TRABD2A: variants seen among roughly 807,000 people sequenced by gnomAD.
The protein encoded by TRABD2A is TraB domain containing 2A.
Under a neutral mutation model 45.6 loss-of-function variants are expected in TRABD2A, and 43 were observed. That is an observed-to-expected ratio of 0.94 (90% confidence interval 0.74 to 1.22). The LOEUF is 1.22. TRABD2A is among the 50% of genes most tolerant of loss of function. The probability of loss-of-function intolerance (pLI) is 0.00; values close to 1 mark genes in which losing one functional copy is unlikely to be tolerated. For synonymous variants in TRABD2A, 269 were observed against 265.0 expected (o/e 1.02, Z -0.15); for missense variants, 642 against 652.4 (o/e 0.98, Z 0.17).
At chr2:84,873,908 A>G (rs1682948138) in intron 1 of TRABD2A, among the ~76,000 whole-genome samples, 1 of 152,208 alleles carries the variant, frequency 6.6e-6, no homozygotes, top group Non-Finnish European at 1.5e-5. Context: ...CAACTGGGAG[A>G]CACAGCAAAC....
chr2:84,861,180 A>G (rs1682484766), intron 2 of TRABD2A, among the ~76,000 whole-genome samples: 1 of 152,154 alleles, frequency 6.6e-6, no homozygotes. Context: ...CAATTTTTCC[A>G]CAGAGCAGGT....
intron 2 of TRABD2A, among the ~76,000 whole-genome samples, chr2:84,868,503 A>T (rs1321234839): frequency 7.0e-6 from 1 of 142,532 alleles, no homozygotes; most frequent in African/African-American, 3.0e-5. Flanking sequence ...GCTATTAACT[A>T]ATTAACTAAT....
chr2:84,836,391 A>G (rs1399128128), intron 4 of TRABD2A: 2 of 152,178 alleles, frequency 1.3e-5, no homozygotes, highest in South Asian at 2.1e-4. Context: ...TCTGGCTTGC[A>G]TGGCTTCTGA....
At chr2:84,845,375 T>A (rs1206814123) in intron 2 of TRABD2A, among the ~76,000 whole-genome samples, 1 of 152,130 alleles carries the variant, frequency 6.6e-6, no homozygotes, top group Non-Finnish European at 1.5e-5. Flanking sequence ...ATAAAATGAC[T>A]ACTGGAGAGT....
At chr2:84,847,066 GGTCA>G (rs1302359661) in intron 2 of TRABD2A, among the ~76,000 whole-genome samples, 1 of 152,198 alleles carries the variant, frequency 6.6e-6, no homozygotes. Flanking sequence ...GTGAACCTTT[GGTCA>G]GGCCATGGGT....
chr2:84,824,451 T>C (rs1038302116), intron 5 of TRABD2A, among the ~76,000 whole-genome samples: 1 of 151,664 alleles, frequency 6.6e-6, no homozygotes, highest in Non-Finnish European at 1.5e-5. Context: ...GGGAGAAAGA[T>C]CCAAGATTTT....
Position 84,832,072 on chromosome 2 carries a change from A to AC in TRABD2A, c.1064_1065insG (p.Gly356TrpfsTer10). The AC allele has an allele frequency of 6.2e-7, 1 of 1,613,472 alleles. No homozygotes were observed. Among genetic ancestry groups the AC allele is most frequent in the Non-Finnish European group, 8.5e-7 (1 of 1,179,896 alleles). ...ACGGTTACTTGTGGATGGGTCGTCCAGCAGGGGCGTGTTCTACCTCATAGC... is the reference window on the plus strand; with the variant it reads ...ACGGTTACTTGTGGATGGGTCGTCCACGCAGGGGCGTGTTCTACCTCATAGC... On this transcript the variant is annotated frameshift_variant, in exon 5 of 7. Coordinates refer to ENST00000409520, the MANE Select transcript of TRABD2A (RefSeq NM_001277053.2). LOFTEE classifies it high-confidence loss of function.
In TRABD2A at chr2:84,865,673, C is replaced by T. The variant is rs567548603; in HGVS notation, c.669+4552G>A. 6.6e-5 allele frequency among the ~76,000 whole-genome samples: 10 copies of T among 152,318 alleles called. No homozygotes were observed. In the East Asian group the frequency reaches 9.6e-4, roughly 15 times the overall value. ...TCCTGCCCCACCCCACCACGACGTC[C>T]GATCACTTGGTGGGGAAGTGGACAG... On this transcript the variant is annotated intron_variant, in intron 2 of 6. Coordinates refer to ENST00000409520, the MANE Select transcript of TRABD2A (RefSeq NM_001277053.2).
chr2:84,863,370 A>G (rs1470937734), intron 2 of TRABD2A, among the ~76,000 whole-genome samples: 1 of 146,178 alleles, frequency 6.8e-6, no homozygotes, highest in Non-Finnish European at 1.5e-5. Context: ...TCAGCCTCCC[A>G]AGTAGCTGGG....
chr2:84,877,633 T>C (rs529286242), intron 1 of TRABD2A, among the ~76,000 whole-genome samples: 19 of 152,194 alleles, frequency 1.2e-4, no homozygotes, highest in African/African-American at 3.9e-4. Context: ...AGAGAAAACA[T>C]GGCCATGGGT....
chr2:84,846,661 C>G (rs1471178069), intron 2 of TRABD2A, among the ~76,000 whole-genome samples: 1 of 152,206 alleles, frequency 6.6e-6, no homozygotes, highest in Admixed American at 6.5e-5. Context: ...GGTCATCAGA[C>G]AAGGCAGCCC....
At chr2:84,850,368 C>T (rs1682039705) in intron 2 of TRABD2A, among the ~76,000 whole-genome samples, 1 of 152,152 alleles carries the variant, frequency 6.6e-6, no homozygotes, top group African/African-American at 2.4e-5. Context: ...TCCTCCACCC[C>T]CACAGAGTCC....
intron 2 of TRABD2A, among the ~76,000 whole-genome samples, chr2:84,859,077 G>T (rs144540907): frequency 6.6e-6 from 1 of 152,172 alleles, no homozygotes; most frequent in South Asian, 2.1e-4. Flanking sequence ...TACTGCCCTC[G>T]GGGTGTGTTT....
At chr2:84,876,754 C>T (rs1683037563) in intron 1 of TRABD2A, among the ~76,000 whole-genome samples, 1 of 152,270 alleles carries the variant, frequency 6.6e-6, no homozygotes, top group Middle Eastern at 3.4e-3. Context: ...CTGAGGAGCA[C>T]CACCTGATTC....
chr2:84,822,672 C>T (rs76678140), intron 6 of TRABD2A, among the ~76,000 whole-genome samples: 4 of 152,304 alleles, frequency 2.6e-5, no homozygotes, highest in African/African-American at 9.6e-5. Context: ...AAGTACTAAA[C>T]AGGTCAATTT....
At chr2:84,852,101 T>C (rs1348798888) in intron 2 of TRABD2A, among the ~76,000 whole-genome samples, 1 of 152,178 alleles carries the variant, frequency 6.6e-6, no homozygotes, top group Non-Finnish European at 1.5e-5. Flanking sequence ...CTGGTTATGT[T>C]GTGGGGAGGG....
chr2:84,849,843 T>G (rs1682021554), intron 2 of TRABD2A, among the ~76,000 whole-genome samples: 1 of 152,232 alleles, frequency 6.6e-6, no homozygotes, highest in African/African-American at 2.4e-5. Flanking sequence ...TTTTAGAGTC[T>G]GACTCACTCT....
At chr2:84,856,942 G>A (rs937531066) in intron 2 of TRABD2A, among the ~76,000 whole-genome samples, 2 of 152,194 alleles carry the variant, frequency 1.3e-5, no homozygotes, top group African/African-American at 4.8e-5. Context: ...TCATAAGGGC[G>A]GGGCCCTGAC....
At chr2:84,838,002 AAC>A (rs1342723089) in intron 4 of TRABD2A, 4 of 438,448 alleles carry the variant, frequency 9.1e-6, no homozygotes, top group Non-Finnish European at 1.6e-5. Flanking sequence ...GATTGTTTTC[AAC>A]ACACACCCTA....
Sources: gnomAD v4.1 joint callset for allele counts (sites outside exome capture counted in the v4.1 genomes callset) on GRCh38, gnomAD v4.1.1 for gene constraint, MANE v1.5 for transcripts, NCBI Gene and HGNC (gene_info 2026-07-23, HGNC 2026-07-21) for gene names.